The following PHIP variants were observed in gnomAD, a reference collection of about 807,000 sequenced individuals.
PHIP encodes the protein PHIP subunit of CUL4-Ring ligase complex.
PHIP carries 54 observed loss-of-function variants against 236.8 expected under a neutral mutation model. That is an observed-to-expected ratio of 0.23 (90% CI 0.18 to 0.29). PHIP has a LOEUF of 0.29. Ranked by LOEUF, PHIP falls within the 10% of genes least tolerant of loss-of-function variation. The probability of loss-of-function intolerance (pLI) is 1.00; values close to 1 mark genes in which losing one functional copy is unlikely to be tolerated. For missense variants in PHIP, 1,370 were observed against 2,190.8 expected, an observed-to-expected ratio of 0.63 and a Z score of 7.48; for synonymous variants, 756 against 718.9, an observed-to-expected ratio of 1.05 and a Z score of -0.83.
chr6:78,967,987 A>AC (rs956677093), intron 27 of PHIP, among the ~76,000 whole-genome samples: 2 of 151,932 alleles, frequency 1.3e-5, no homozygotes, highest in Non-Finnish European at 2.9e-5. Flanking sequence ...ACAAAAAAAA[A>AC]ATTAGCCAGG....
At chr6:78,999,049 G>A (rs545120284) in intron 17 of PHIP, among the ~76,000 whole-genome samples, 4 of 150,478 alleles carry the variant, frequency 2.7e-5, no homozygotes, top group Admixed American at 6.6e-5. Context: ...AAGTCCTCTC[G>A]GACAAGGTAG....
intron 6 of PHIP, among the ~76,000 whole-genome samples, chr6:79,047,241 C>T (rs1209126774): frequency 6.6e-6 from 1 of 152,160 alleles, no homozygotes; most frequent in African/African-American, 2.4e-5. Flanking sequence ...ACTTCTTAAA[C>T]ATTAGATGTG....
chr6:78,946,395 A>G, intron 37 of PHIP, 135 bp from the exon 38 acceptor site: 1 of 1,395,764 alleles, frequency 7.2e-7, no homozygotes, highest in Non-Finnish European at 9.4e-7. Flanking sequence ...TGGATTTCAT[A>G]TGATTGTGAG....
chr6:79,053,565 C>T (rs867610180), intron 6 of PHIP, among the ~76,000 whole-genome samples: 3 of 152,178 alleles, frequency 2.0e-5, no homozygotes, highest in African/African-American at 7.2e-5. Context: ...CAAATTATTC[C>T]TTTGTTTATA....
At chr6:79,032,400 A>T (rs1771721152) in intron 7 of PHIP, among the ~76,000 whole-genome samples, 1 of 152,220 alleles carries the variant, frequency 6.6e-6, no homozygotes. Flanking sequence ...TCAAAATTGG[A>T]GTCAGCCCTC....
At chr6:79,076,476 G>C (rs1774168156) in intron 4 of PHIP, among the ~76,000 whole-genome samples, 1 of 152,148 alleles carries the variant, frequency 6.6e-6, no homozygotes, top group Non-Finnish European at 1.5e-5. Context: ...AGGAGAAAGT[G>C]TTACAGAAAA....
At chr6:78,987,346 C>A (rs1768932307) in intron 21 of PHIP, among the ~76,000 whole-genome samples, 1 of 152,008 alleles carries the variant, frequency 6.6e-6, no homozygotes, top group Non-Finnish European at 1.5e-5. Flanking sequence ...TTCATATAAT[C>A]AGTATATTTC....
At chr6:78,995,988 T>C (rs555986680) in intron 19 of PHIP, among the ~76,000 whole-genome samples, 5 of 152,238 alleles carry the variant, frequency 3.3e-5, no homozygotes, top group African/African-American at 1.2e-4. Context: ...GGCCAATGAA[T>C]AGTTAAGCCC....
chr6:78,957,679 C>T (rs1316591266), intron 32 of PHIP: 2 of 151,356 alleles, frequency 1.3e-5, no homozygotes, highest in East Asian at 1.9e-4. Context: ...TACTACTTCT[C>T]AACCAGGAAA....
At chr6:79,024,604 A>C (rs1299750230) in intron 9 of PHIP, among the ~76,000 whole-genome samples, 1 of 152,092 alleles carries the variant, frequency 6.6e-6, no homozygotes, top group Non-Finnish European at 1.5e-5. Flanking sequence ...GGAGATGGAG[A>C]CCATCCTGGC....
chr6:79,038,120 C>G (rs1772032660), intron 7 of PHIP, among the ~76,000 whole-genome samples: 1 of 152,190 alleles, frequency 6.6e-6, no homozygotes, highest in Non-Finnish European at 1.5e-5. Flanking sequence ...ATTCCTATCC[C>G]CAATGCTAAA....
intron 4 of PHIP, among the ~76,000 whole-genome samples, chr6:79,071,168 T>C (rs1773866740): frequency 6.6e-6 from 1 of 152,256 alleles, no homozygotes; most frequent in Admixed American, 6.5e-5. Flanking sequence ...CGGCTGTTTT[T>C]GAGTGTGTAA....
intron 29 of PHIP, among the ~76,000 whole-genome samples, chr6:78,963,918 A>C (rs1766957826): frequency 6.6e-6 from 1 of 152,336 alleles, no homozygotes; most frequent in African/African-American, 2.4e-5. Flanking sequence ...AACTACGATT[A>C]AACTCTATAG....
In PHIP at chr6:79,044,104, C is replaced by T. The variant is rs573978931; in HGVS notation, c.440-1101G>A. Among the ~76,000 whole-genome samples the T allele has an allele frequency of 2.0e-5, 3 of 152,042 alleles. No homozygotes were observed. The South Asian group carries it at 6.2e-4, about 32-fold the overall frequency. ...CTCCACACTCCCGCTGCCCCCACCC[C>T]AAACCCCCAAAAAATCTTTGGGCCT... On this transcript the variant is annotated intron_variant, in intron 6 of 39. Coordinates refer to ENST00000275034, the MANE Select transcript of PHIP (RefSeq NM_017934.7).
intron 4 of PHIP, among the ~76,000 whole-genome samples, chr6:79,061,498 G>A (rs1189782162): frequency 6.6e-6 from 1 of 152,032 alleles, no homozygotes; most frequent in Non-Finnish European, 1.5e-5. Context: ...AAGCAGATAG[G>A]AAAATGTCTC....
intron 24 of PHIP, 141 bp from the exon 25 acceptor site, chr6:78,971,029 TC>T (rs1767503423): frequency 6.6e-6 from 4 of 605,602 alleles, no homozygotes; most frequent in South Asian, 2.2e-5. Flanking sequence ...TCCTCCTTTC[TC>T]TCAAGTTGTC....
At chr6:79,076,064 G>A (rs1032862685) in intron 4 of PHIP, among the ~76,000 whole-genome samples, 1 of 152,184 alleles carries the variant, frequency 6.6e-6, no homozygotes, top group Admixed American at 6.5e-5. Flanking sequence ...CACGTTCAGT[G>A]TGAAAATGAA....
In PHIP at chr6:78,978,652, T is replaced by C; in HGVS notation, c.2829A>G (p.Ser943=). The C allele has an allele frequency of 1.3e-6, 2 of 1,598,592 alleles. No homozygotes were observed. The highest frequency in any genetic ancestry group is 1.7e-6 in the Non-Finnish European group (2 of 1,169,016). ...NGLTLEEWLP[S]TWITDTIPRR... is the part of the protein sequence containing the mutation. ...GGGGAATGGTATCTGTAATCCATGT[T>C]GATGGCAACCATTCTTCTAATGTCA... is the stretch of plus-strand genomic sequence containing the variant. Residue 943 remains serine, a synonymous_variant, in exon 24 of 40, where the codon TCA becomes TCG. Coordinates refer to ENST00000275034, the MANE Select transcript of PHIP (RefSeq NM_017934.7).
rs568730275 is a variant in PHIP at position 79,070,251 on chromosome 6, C to T, written c.189+7197G>A. Among the ~76,000 whole-genome samples, 6 of 152,194 alleles carry T rather than the reference C, an allele frequency of 3.9e-5. No individual in the cohort carries two copies. The East Asian group carries it at 7.7e-4, about 20-fold the overall frequency. On this transcript the variant is annotated intron_variant, in intron 4 of 39. Coordinates refer to ENST00000275034, the MANE Select transcript of PHIP (RefSeq NM_017934.7). ...TCTCTTTAAAGCATTATTAGTAAAA[C>T]GTTAAACTCAAATCTAGGAATCTGA...
Sources: gnomAD v4.1 joint callset for allele counts (sites outside exome capture counted in the v4.1 genomes callset) on GRCh38, gnomAD v4.1.1 for gene constraint, MANE v1.5 for transcripts, NCBI Gene and HGNC (gene_info 2026-07-23, HGNC 2026-07-21) for gene names.